The following DYNC2H1 variants were observed in gnomAD, a reference collection of about 807,000 sequenced individuals.
DYNC2H1 encodes cytoplasmic dynein 2 heavy chain 1.
In DYNC2H1, 410 loss-of-function variants were observed where a neutral mutation model predicts 570.0. That is an observed-to-expected ratio of 0.72 (90% CI 0.66 to 0.78). DYNC2H1 has a LOEUF of 0.78. Among genes scored for constraint, DYNC2H1 ranks in the 30% least tolerant of loss-of-function variants. The probability of loss-of-function intolerance (pLI) is 0.00; values close to 1 mark genes in which losing one functional copy is unlikely to be tolerated. For missense variants in DYNC2H1, 4,865 were observed against 5,046.4 expected, an observed-to-expected ratio of 0.96 and a Z score of 1.09; for synonymous variants, 1,688 against 1,677.6, an observed-to-expected ratio of 1.01 and a Z score of -0.15.
intron 75 of DYNC2H1, among the ~76,000 whole-genome samples, chr11:103,294,411 C>G (rs1246595795): frequency 1.3e-5 from 2 of 152,158 alleles, no homozygotes; most frequent in African/African-American, 2.4e-5. Context: ...CCTGTTTTCA[C>G]TAAAGCTGTT....
intron 84 of DYNC2H1, among the ~76,000 whole-genome samples, chr11:103,411,262 T>C (rs1269126327): frequency 6.6e-6 from 1 of 152,100 alleles, no homozygotes; most frequent in Admixed American, 6.6e-5. Context: ...TACTCATAAT[T>C]AGGGTATAAT....
chr11:103,300,722 T>C (rs568215095), intron 75 of DYNC2H1, among the ~76,000 whole-genome samples: 1 of 152,066 alleles, frequency 6.6e-6, no homozygotes, highest in Non-Finnish European at 1.5e-5. Context: ...AAAGTTATAA[T>C]TGAATTTACT....
intron 84 of DYNC2H1, among the ~76,000 whole-genome samples, chr11:103,401,041 G>A (rs1942619604): frequency 1.3e-5 from 2 of 152,056 alleles, no homozygotes; most frequent in Non-Finnish European, 2.9e-5. Flanking sequence ...GCACAGTGAA[G>A]GAACCAGTTG....
intron 83 of DYNC2H1, among the ~76,000 whole-genome samples, chr11:103,372,327 G>T (rs1056120572): frequency 6.6e-6 from 1 of 152,026 alleles, no homozygotes; most frequent in African/African-American, 2.4e-5. Flanking sequence ...CCTTTATCTC[G>T]TTCTTGATCT....
At chr11:103,462,755 A>G (rs1422754315) in intron 87 of DYNC2H1, among the ~76,000 whole-genome samples, 1 of 152,156 alleles carries the variant, frequency 6.6e-6, no homozygotes, top group Non-Finnish European at 1.5e-5. Context: ...AGCTTCTTGT[A>G]TATCTAATGT....
intron 6 of DYNC2H1, among the ~76,000 whole-genome samples, chr11:103,119,870 A>G (rs1858608758): frequency 6.6e-6 from 1 of 152,216 alleles, no homozygotes; most frequent in African/African-American, 2.4e-5. Flanking sequence ...TAGCAAGAGA[A>G]AAATAAATCA....
At chr11:103,417,224 C>T (rs561250261) in intron 84 of DYNC2H1, among the ~76,000 whole-genome samples, 23 of 152,178 alleles carry the variant, frequency 1.5e-4, no homozygotes, top group African/African-American at 5.3e-4. Flanking sequence ...AGACTACAGG[C>T]GCATGCCACC....
chr11:103,234,072 C>T lies in DYNC2H1; in HGVS notation c.9479C>T (p.Ala3160Val), dbSNP rs777346655. ...ACTTCAGAAGCTGCCAAACTTGAGGCTGAAGTAAGCAAGGCACAAGAAACA... is the reference window on the plus strand; with the variant it reads ...ACTTCAGAAGCTGCCAAACTTGAGGTTGAAGTAAGCAAGGCACAAGAAACA... ...SRTSEAAKLEAEVSKAQETIK... is the reference protein window; with the variant it reads ...SRTSEAAKLEVEVSKAQETIK... Residue 3160 changes from alanine (A) to valine (V), a missense_variant, in exon 61 of 89, where the codon GCT becomes GTT. By Grantham distance (64) the Ala-to-Val change is moderately conservative. Coordinates refer to ENST00000375735, the MANE Select transcript of DYNC2H1 (RefSeq NM_001377.3). 1.3e-6 allele frequency: 2 copies of T among 1,563,034 alleles called. No homozygotes were observed. Among genetic ancestry groups the T allele is most frequent in the East Asian group, 2.4e-5 (1 of 42,300 alleles).
intron 6 of DYNC2H1, among the ~76,000 whole-genome samples, chr11:103,119,703 A>G (rs913722259): frequency 2.3e-4 from 35 of 152,246 alleles, no homozygotes; most frequent in East Asian, 3.9e-4. Flanking sequence ...CCCATGTTGT[A>G]CATTTTATGT....
In DYNC2H1 at chr11:103,201,851, G is replaced by T. The variant is rs996431658; in HGVS notation, c.8197+1697G>T. Among the ~76,000 whole-genome samples, 1 of 152,016 alleles carries T rather than the reference G, an allele frequency of 6.6e-6. No homozygotes were observed. Among genetic ancestry groups the T allele is most frequent in the Middle Eastern group, 3.2e-3 (1 of 316 alleles). Reference sequence around the variant, plus strand: ...AGGAAGTAGCTTAGTTTTAAACTTGGATCAAGAGTGTTTTGTTATTTAAGT... The same window carrying T: ...AGGAAGTAGCTTAGTTTTAAACTTGTATCAAGAGTGTTTTGTTATTTAAGT... On this transcript the variant is annotated intron_variant, in intron 50 of 88. Transcript: ENST00000375735. The surrounding 1 kb of genome is among the most constrained non-coding windows in gnomAD (Gnocchi z 4.8).
At chr11:103,414,906 A>G (rs1286273142) in intron 84 of DYNC2H1, among the ~76,000 whole-genome samples, 1 of 152,176 alleles carries the variant, frequency 6.6e-6, no homozygotes, top group African/African-American at 2.4e-5. Context: ...TAGAAAAAAA[A>G]TTCCATGCTT....
intron 83 of DYNC2H1, among the ~76,000 whole-genome samples, chr11:103,359,668 C>CT (rs202022243): frequency 0.037 from 4,861 of 129,860 alleles, 349 homozygotes; most frequent in African/African-American, 0.13. Context: ...TTTTTTTTTA[C>CT]TTTTTTTTTT....
intron 61 of DYNC2H1, among the ~76,000 whole-genome samples, chr11:103,234,944 T>A (rs1864165355): frequency 6.6e-6 from 1 of 151,898 alleles, no homozygotes; most frequent in South Asian, 2.1e-4. Flanking sequence ...GACTCTTCCC[T>A]GTTTACTTGT....
In DYNC2H1 at chr11:103,139,807, C is replaced by T. The variant is rs908921444; in HGVS notation, c.2575-3461C>T. Among the ~76,000 whole-genome samples, 245 of 152,096 alleles carry T rather than the reference C, an allele frequency of 1.6e-3. 1 individual carries two copies. Among genetic ancestry groups the T allele is most frequent in the Non-Finnish European group, 2.8e-3 (188 of 67,970 alleles). On this transcript the variant is annotated intron_variant, in intron 17 of 88. Transcript: ENST00000375735. ...GTCTCGTTGATCTGTCTAATGTTGA[C>T]AGTGGGGTGTTAAAGTCTTCCATTA...
chr11:103,456,571 G>C (rs1944797131), intron 87 of DYNC2H1, among the ~76,000 whole-genome samples: 1 of 152,094 alleles, frequency 6.6e-6, no homozygotes, highest in Non-Finnish European at 1.5e-5. Context: ...GAATCTTGGG[G>C]ATACAATATT....
At chr11:103,414,193 T>C (rs1943195216) in intron 84 of DYNC2H1, among the ~76,000 whole-genome samples, 1 of 152,154 alleles carries the variant, frequency 6.6e-6, no homozygotes, top group Non-Finnish European at 1.5e-5. Context: ...AGTCAGAAAT[T>C]ACAAGTATCA....
At chr11:103,179,259 G>A (rs144354468) in intron 39 of DYNC2H1, 26 bp downstream of exon 39, 7 of 1,593,432 alleles carry the variant, frequency 4.4e-6, no homozygotes, top group East Asian at 4.5e-5. Context: ...TTTATATACA[G>A]TATATTAGAA....
At chr11:103,197,814 C>T (rs1286789198) in intron 47 of DYNC2H1, 119 bp from the exon 48 acceptor site, 14 of 1,142,036 alleles carry the variant, frequency 1.2e-5, no homozygotes, top group Non-Finnish European at 1.7e-5. Flanking sequence ...TTGCCTTTGC[C>T]CTTCTGGAGA....
chr11:103,382,817 A>T (rs1011173056), intron 83 of DYNC2H1, among the ~76,000 whole-genome samples: 2 of 152,196 alleles, frequency 1.3e-5, no homozygotes, highest in Admixed American at 1.3e-4. Context: ...AAATTATGTC[A>T]TTTACTTACA....
Sources: gnomAD v4.1 joint callset for allele counts (sites outside exome capture counted in the v4.1 genomes callset) on GRCh38, gnomAD v4.1.1 for gene constraint, Gnocchi (gnomAD v3.1) non-coding constraint, MANE v1.5 for transcripts, NCBI Gene and HGNC (gene_info 2026-07-23, HGNC 2026-07-21) for gene names.